Variants in RANBP2 observed in about 807,000 individuals in gnomAD.
RANBP2 encodes the protein E3 SUMO-protein ligase RanBP2.
RANBP2 carries 57 observed loss-of-function variants against 303.6 expected under a neutral mutation model. That is an observed-to-expected ratio of 0.19 (90% CI 0.15 to 0.23). The LOEUF is 0.23. RANBP2 is among the 10% of genes least tolerant of loss of function. The pLI, the probability that RANBP2 is intolerant of heterozygous loss-of-function variation, is 1.00. For missense variants in RANBP2, 3,138 were observed against 3,780.8 expected (o/e 0.83, Z 4.46); for synonymous variants, 1,167 against 1,301.5 (o/e 0.90, Z 2.23).
chr2:108,920,362 G>A, the RANBP2 span, among the ~76,000 whole-genome samples: 1 of 152,178 alleles, frequency 6.6e-6, no homozygotes, highest in South Asian at 2.1e-4. Flanking sequence ...CTTCCTCTCT[G>A]TTACGGCAGG....
the RANBP2 span, among the ~76,000 whole-genome samples, chr2:109,078,096 A>AGCG: frequency 1.8e-5 from 1 of 54,652 alleles, no homozygotes; most frequent in Non-Finnish European, 3.1e-5. Context: ...ATATATATAT[A>AGCG]TATATATATA....
At chr2:108,768,689 T>C (rs1396158605) in intron 20 of RANBP2, among the ~76,000 whole-genome samples, 1 of 152,168 alleles carries the variant, frequency 6.6e-6, no homozygotes, top group Non-Finnish European at 1.5e-5. Flanking sequence ...CGTGAGTCTT[T>C]TTTTAAAGTG....
the RANBP2 span, chr2:109,130,247 T>A: frequency 1.1e-6 from 1 of 874,156 alleles, no homozygotes; most frequent in African/African-American, 1.8e-5. Flanking sequence ...CTGTTGCTCT[T>A]CCTCCAACTT....
At chr2:108,935,225 T>C in the RANBP2 span, among the ~76,000 whole-genome samples, 1 of 152,180 alleles carries the variant, frequency 6.6e-6, no homozygotes, top group Non-Finnish European at 1.5e-5. Flanking sequence ...CCATCTAGAA[T>C]GATGACACAG....
the RANBP2 span, chr2:109,129,516 C>G: frequency 7.4e-6 from 11 of 1,495,820 alleles, no homozygotes; most frequent in South Asian, 1.2e-5. Context: ...GGCAGCCGCG[C>G]GAGACCGCTG....
the RANBP2 span, among the ~76,000 whole-genome samples, chr2:109,032,163 T>C: frequency 6.6e-5 from 10 of 152,162 alleles, no homozygotes; most frequent in Non-Finnish European, 1.3e-4. Context: ...ACCTTCCCCC[T>C]GTTTTGTTAA....
At chr2:108,952,766 G>A in the RANBP2 span, among the ~76,000 whole-genome samples, 3 of 152,104 alleles carry the variant, frequency 2.0e-5, no homozygotes, top group Non-Finnish European at 4.4e-5. Context: ...CTTCGTATGT[G>A]TGGTAATGTT....
the RANBP2 span, among the ~76,000 whole-genome samples, chr2:109,142,129 G>A: frequency 1.3e-5 from 2 of 151,942 alleles, no homozygotes; most frequent in Admixed American, 1.3e-4. Context: ...CACCTACCGG[G>A]TGGGGTCCCT....
chr2:109,345,251 G>A, the RANBP2 span, among the ~76,000 whole-genome samples: 2 of 152,076 alleles, frequency 1.3e-5, no homozygotes, highest in Non-Finnish European at 2.9e-5. Context: ...TCTTCAGGTG[G>A]CCTTTATGTC....
chr2:109,412,079 T>A, the RANBP2 span, among the ~76,000 whole-genome samples: 1 of 152,140 alleles, frequency 6.6e-6, no homozygotes, highest in Admixed American at 6.5e-5. Context: ...CCGAGCCCTG[T>A]GGGTTGCTTT....
the RANBP2 span, among the ~76,000 whole-genome samples, chr2:109,383,752 C>G: frequency 1.3e-5 from 2 of 152,182 alleles, no homozygotes; most frequent in East Asian, 3.9e-4. Context: ...AAACGCCTCC[C>G]AAATCCTTGA....
the RANBP2 span, chr2:109,585,053 T>C: frequency 2.6e-6 from 2 of 783,776 alleles, no homozygotes; most frequent in East Asian, 2.8e-5. Context: ...AATCAAATCA[T>C]AGTTCATGGG....
chr2:109,707,544 C>T, the RANBP2 span, among the ~76,000 whole-genome samples: 2 of 152,174 alleles, frequency 1.3e-5, no homozygotes, highest in East Asian at 3.9e-4. Flanking sequence ...TTCATAGGTA[C>T]CTTGCTGCAG....
the RANBP2 span, among the ~76,000 whole-genome samples, chr2:109,232,829 T>C: frequency 0.012 from 1,812 of 152,294 alleles, 8 homozygotes; most frequent in Middle Eastern, 0.027. Context: ...TAAATTTTAA[T>C]GCAAAATTTT....
chr2:109,604,680 T>C, the RANBP2 span, among the ~76,000 whole-genome samples: 1 of 143,952 alleles, frequency 6.9e-6, no homozygotes, highest in Non-Finnish European at 1.5e-5. Flanking sequence ...TGAGCCAAGA[T>C]TGAGCCACTC....
the RANBP2 span, among the ~76,000 whole-genome samples, chr2:108,837,141 A>C: frequency 1.3e-5 from 2 of 152,142 alleles, no homozygotes; most frequent in African/African-American, 4.8e-5. Flanking sequence ...AAAGGCTTTC[A>C]TTCTTTTACC....
chr2:109,774,540 A>AATATTTTATATAT, the RANBP2 span, among the ~76,000 whole-genome samples: 2 of 76,152 alleles, frequency 2.6e-5, 1 homozygote, highest in African/African-American at 1.3e-4. Context: ...ATTATATATA[A>AATATTTTATATAT]AATATATATA....
At chr2:109,522,764 T>C in the RANBP2 span, among the ~76,000 whole-genome samples, 1 of 152,242 alleles carries the variant, frequency 6.6e-6, no homozygotes, top group African/African-American at 2.4e-5. Context: ...ACTAATATGC[T>C]CCTGGGATTA....
chr2:108,834,530 A>G, the RANBP2 span, among the ~76,000 whole-genome samples: 3 of 152,166 alleles, frequency 2.0e-5, no homozygotes, highest in Non-Finnish European at 4.4e-5. Flanking sequence ...ATGTCTTTTT[A>G]TACACTAAGT....
Sources: allele counts gnomAD v4.1 joint callset (sites outside exome capture counted in the v4.1 genomes callset), GRCh38; gene constraint gnomAD v4.1.1; transcripts MANE v1.5; gene names NCBI Gene and HGNC (gene_info 2026-07-23, HGNC 2026-07-21).